Variants in ILDR2 observed in about 807,000 individuals in gnomAD.
The protein encoded by ILDR2 is immunoglobulin-like domain-containing receptor 2.
A neutral mutation model predicts 66.8 loss-of-function variants in ILDR2; 25 were observed. That is an observed-to-expected ratio of 0.37 (90% CI 0.27 to 0.52). The LOEUF (loss-of-function observed/expected upper bound fraction) is 0.52. Ranked by LOEUF, ILDR2 falls within the 20% of genes least tolerant of loss-of-function variation. The pLI is 0.88. For synonymous variants in ILDR2, 367 were observed against 357.2 expected (o/e 1.03, Z -0.31); for missense variants, 827 against 876.8 (o/e 0.94, Z 0.72).
rs1659621473 is a variant in ILDR2 at position 166,915,831 on chromosome 1, T to A, written c.*3524A>T. ...CATCTCCAGTATGCCTAATCCTATG[T>A]CAAGTGCACAGTGAGGATCATGAGA... On this transcript the variant is annotated 3_prime_UTR_variant, in exon 10 of 10. Coordinates refer to ENST00000271417, the MANE Select transcript of ILDR2 (RefSeq NM_199351.3). The A allele has an allele frequency of 6.6e-6, 1 of 152,164 alleles. No homozygotes were observed. The highest frequency in any genetic ancestry group is 2.1e-4 in the South Asian group (1 of 4,824). The allele number at this position is 152,164 out of a possible 1,614,324, so 9.4% of individuals were successfully genotyped here.
At chr1:166,966,510 A>G (rs1662959439) in intron 1 of ILDR2, among the ~76,000 whole-genome samples, 1 of 152,218 alleles carries the variant, frequency 6.6e-6, no homozygotes, top group Non-Finnish European at 1.5e-5. Context: ...CTCATGGCAT[A>G]GTTATTATTT....
At position 166,910,763 on chromosome 1, in the gene ILDR2, G is replaced by A. The variant is rs1659455584; in HGVS notation, c.*8592C>T. The A allele has an allele frequency of 6.6e-6, 1 of 152,200 alleles. No homozygotes were observed. Among genetic ancestry groups the A allele is most frequent in the Admixed American group, 6.5e-5 (1 of 15,274 alleles). 9.4% of individuals were successfully genotyped at this position (152,200 alleles called of 1,614,324 possible). On this transcript the variant is annotated 3_prime_UTR_variant, in exon 10 of 10. Transcript: ENST00000271417. ...ATGTCTCTGCCAAGATTTTCTAAGA[G>A]AACCTGAAATTAGCCTACTTCTTAT...
intron 6 of ILDR2, 91 bp from the exon 7 acceptor site, chr1:166,927,271 T>C: frequency 2.6e-6 from 2 of 778,630 alleles, no homozygotes; most frequent in Admixed American, 2.3e-5. Context: ...AAAATAGGGT[T>C]TCCAATTATA....
downstream of ILDR2, among the ~76,000 whole-genome samples, chr1:166,905,789 A>G (rs972575022): frequency 6.6e-6 from 1 of 152,200 alleles, no homozygotes; most frequent in African/African-American, 2.4e-5. Flanking sequence ...AGTTGGAGTG[A>G]GCAGCCAAGG....
chr1:166,940,644 A>G (rs915631942), intron 3 of ILDR2, among the ~76,000 whole-genome samples: 4 of 152,238 alleles, frequency 2.6e-5, no homozygotes, highest in African/African-American at 9.6e-5. Context: ...CAGGAAGTAC[A>G]ATAAAAAGTA....
chr1:166,931,530 A>T (rs1257468683), intron 6 of ILDR2, among the ~76,000 whole-genome samples: 6 of 152,220 alleles, frequency 3.9e-5, no homozygotes, highest in African/African-American at 1.4e-4. Flanking sequence ...ATTCTTTTGC[A>T]TGAAGAATGG....
chr1:166,931,252 C>T (rs967805271), intron 6 of ILDR2, among the ~76,000 whole-genome samples: 3 of 152,196 alleles, frequency 2.0e-5, no homozygotes, highest in African/African-American at 4.8e-5. Context: ...CAAAATCCAA[C>T]TTGTAAAACT....
At chr1:166,950,603 G>A (rs1235874541) in intron 3 of ILDR2, among the ~76,000 whole-genome samples, 1 of 152,048 alleles carries the variant, frequency 6.6e-6, no homozygotes, top group African/African-American at 2.4e-5. Context: ...ATTCTGAGAC[G>A]TCCCCTCCCA....
chr1:166,899,113 C>T (rs553704660), intron 2 of ILDR2, among the ~76,000 whole-genome samples: 28 of 151,894 alleles, frequency 1.8e-4, no homozygotes, highest in Admixed American at 3.9e-4. Flanking sequence ...CATGATTGGC[C>T]GGGCGCAATG....
intron 1 of ILDR2, among the ~76,000 whole-genome samples, chr1:166,973,173 A>G (rs887025599): frequency 1.3e-5 from 2 of 152,160 alleles, no homozygotes; most frequent in African/African-American, 4.8e-5. Context: ...GCTGGTCCTG[A>G]TAACTAACCT....
chr1:166,903,005 T>C (rs1377847588), intron 2 of ILDR2, among the ~76,000 whole-genome samples: 2 of 152,218 alleles, frequency 1.3e-5, no homozygotes, highest in Non-Finnish European at 2.9e-5. Context: ...CCTTCTCCAC[T>C]GCCATCGTCT....
chr1:166,920,917 G>A lies in ILDR2; in HGVS notation c.1674C>T (p.Leu558=), dbSNP rs1422071582. ...LETPSKRSAQ[L]GPRSASYYAW... ...CGTAGTAGGAGGCGCTGCGCGGGCC[G>A]AGCTGCGCGCTCCGCTTGGATGGCG... The change falls in exon 9 of 10, where the codon CTC becomes CTT. Residue 558 remains leucine (L), a synonymous_variant. Transcript: ENST00000271417. 4.1e-6 allele frequency: 6 copies of A among 1,476,606 alleles called. No individual in the cohort carries two copies. The highest frequency in any genetic ancestry group is 2.4e-5 in the Admixed American group (1 of 41,926). The allele number at this position is 1,476,606 out of a possible 1,614,324, so 91.5% of individuals were successfully genotyped here. A position where few individuals can be genotyped will look rare whatever the true frequency, so the allele number is the denominator to read the frequency against.
intron 6 of ILDR2, chr1:166,933,432 G>A (rs778835208): frequency 1.9e-4 from 53 of 280,518 alleles, no homozygotes; most frequent in Non-Finnish European, 2.7e-4. Context: ...AAAAGACAGA[G>A]GAACTAGGTC....
intron 6 of ILDR2, among the ~76,000 whole-genome samples, chr1:166,934,490 G>T (rs1169531128): frequency 1.3e-5 from 2 of 152,070 alleles, no homozygotes; most frequent in Non-Finnish European, 2.9e-5. Flanking sequence ...TTAGCTCATG[G>T]TCTCTGGCTC....
intron 2 of ILDR2, among the ~76,000 whole-genome samples, chr1:166,896,581 T>C (rs896821498): frequency 6.6e-6 from 1 of 151,454 alleles, no homozygotes; most frequent in Admixed American, 6.6e-5. Context: ...GTTGAAATGA[T>C]ATTTTAGAAA....
Position 166,921,391 on chromosome 1 carries a change from G to C in ILDR2, c.1212-12C>G. 6.5e-7 allele frequency: 1 copy of C among 1,546,426 alleles called. No homozygotes were observed. The highest frequency in any genetic ancestry group is 1.2e-5 in the South Asian group (1 of 82,228). Reference sequence around the variant, plus strand: ...TGGAGCGCGGCTGGCTGCGGGCAGAGAAGGAGGGGGTCAGACGGCCGGTCC... The same window carrying C: ...TGGAGCGCGGCTGGCTGCGGGCAGACAAGGAGGGGGTCAGACGGCCGGTCC... On this transcript the variant is annotated splice_polypyrimidine_tract_variant and intron_variant, in intron 8 of 9. Transcript: ENST00000271417. The surrounding 1 kb of genome is among the most constrained non-coding windows in gnomAD (Gnocchi z 5.3).
At position 166,916,836 on chromosome 1, in the gene ILDR2, T is replaced by C. The variant is rs1659662420; in HGVS notation, c.*2519A>G. 1.3e-5 allele frequency: 2 copies of C among 152,344 alleles called. No individual in the cohort carries two copies. The highest frequency in any genetic ancestry group is 2.1e-4 in the South Asian group (1 of 4,830). 9.4% of individuals were successfully genotyped at this position (152,344 alleles called of 1,614,324 possible). Reference sequence around the variant, plus strand: ...TGCAGGTTTCCAATTTTAATAATTCTTTCTTTCCCATTGCTACCCTCAACC... The same window carrying C: ...TGCAGGTTTCCAATTTTAATAATTCCTTCTTTCCCATTGCTACCCTCAACC... On this transcript the variant is annotated 3_prime_UTR_variant, in exon 10 of 10. Coordinates refer to ENST00000271417, the MANE Select transcript of ILDR2 (RefSeq NM_199351.3).
rs753078864 is a variant in ILDR2, at chr1:166,908,880, G to A, written c.*10475C>T. ...ACGTGTGAGGGAATTGGCAACAAAA[G>A]GAAGCCGGAAAGGCTGGTTGTTCAG... On this transcript the variant is annotated 3_prime_UTR_variant, in exon 10 of 10. Coordinates refer to ENST00000271417, the MANE Select transcript of ILDR2 (RefSeq NM_199351.3). 2 of 152,242 alleles carry A rather than the reference G, an allele frequency of 1.3e-5. No homozygotes were observed. Among genetic ancestry groups the A allele is most frequent in the Non-Finnish European group, 2.9e-5 (2 of 68,054 alleles). The allele number at this position is 152,242 out of a possible 1,614,324, so 9.4% of individuals were successfully genotyped here.
chr1:166,929,648 G>A (rs1660513720), intron 6 of ILDR2, among the ~76,000 whole-genome samples: 1 of 152,290 alleles, frequency 6.6e-6, no homozygotes, highest in African/African-American at 2.4e-5. Context: ...CAAGGACTAG[G>A]TTCGCTTCTG....
Sources: gnomAD v4.1 joint callset for allele counts (sites outside exome capture counted in the v4.1 genomes callset) on GRCh38, gnomAD v4.1.1 for gene constraint, Gnocchi (gnomAD v3.1) non-coding constraint, MANE v1.5 for transcripts, NCBI Gene and HGNC (gene_info 2026-07-23, HGNC 2026-07-21) for gene names.